TNFRSF10B: variants seen among roughly 807,000 people sequenced by gnomAD.
The protein encoded by TNFRSF10B is tumor necrosis factor receptor superfamily member 10B.
TNFRSF10B carries 35 observed loss-of-function variants against 41.4 expected under a neutral mutation model. The observed-to-expected ratio is 0.85, with a 90% CI of 0.65 to 1.12. TNFRSF10B has a LOEUF of 1.12. TNFRSF10B is among the 50% of genes most tolerant of loss of function. The pLI, the probability that TNFRSF10B is intolerant of heterozygous loss-of-function variation, is 0.00. For synonymous variants in TNFRSF10B, 230 were observed against 215.5 expected (o/e 1.07, Z -0.59); for missense variants, 584 against 552.7 (o/e 1.06, Z -0.57).
At position 23,063,444 on chromosome 8, in the gene TNFRSF10B, C is replaced by T. The variant is rs911323891; in HGVS notation, c.144+5307G>A. On this transcript the variant is annotated intron_variant, in intron 1 of 8. Coordinates refer to ENST00000276431, the MANE Select transcript of TNFRSF10B (RefSeq NM_003842.5). ...TGTACTGCAGGTCTATGAGCAATGA[C>T]GTGCCCATACTGTCTCCAATAGCAC... Among the ~76,000 whole-genome samples the T allele has an allele frequency of 1.1e-4, 17 of 152,038 alleles. 1 individual carries two copies. The highest frequency in any genetic ancestry group is 6.6e-5 in the Admixed American group (1 of 15,258).
At position 23,022,870 on chromosome 8, in the gene TNFRSF10B, G is replaced by A; in HGVS notation, c.1124C>T (p.Ala375Val). The A allele has an allele frequency of 6.2e-7, 1 of 1,614,104 alleles. No homozygotes were observed. Among genetic ancestry groups the A allele is most frequent in the East Asian group, 2.2e-5 (1 of 44,880 alleles). Reference sequence around the variant, plus strand: ...GTACAAGGTGTCCCTGTGGCCCGCTGCCTCAGCTTTAGCCACCTTTATCTC... The same window carrying A: ...GTACAAGGTGTCCCTGTGGCCCGCTACCTCAGCTTTAGCCACCTTTATCTC... ...DNEIKVAKAE[A>V]AGHRDTLYTM... is the part of the protein sequence containing the mutation. Residue 375 changes from alanine to valine, a missense_variant, in exon 9 of 9, where the codon GCA (alanine) becomes GTA (valine). Transcript: ENST00000276431.
chr8:23,027,194 T>G lies in TNFRSF10B; in HGVS notation c.875A>C (p.Gln292Pro). 1 of 1,614,252 alleles carries G rather than the reference T, an allele frequency of 6.2e-7. No homozygotes were observed. Among genetic ancestry groups the G allele is most frequent in the South Asian group, 1.1e-5 (1 of 91,088 alleles). The change falls in exon 7 of 9, where the codon CAG becomes CCG. Residue 292 changes from glutamine to proline, a missense_variant. Gln to Pro is a moderately conservative substitution (Grantham distance 76). Transcript: ENST00000276431. ...GACACCTGTTGGCTCTGCTGGCTCC[T>G]GGACTTCCATTTCCTGCTCAGGGAC... Reference protein sequence around the residue: ...TQVPEQEMEVQEPAEPTGVNM... With the variant: ...TQVPEQEMEVPEPAEPTGVNM...
intron 4 of TNFRSF10B, 28 bp downstream of exon 4, chr8:23,029,582 T>C (rs1465517894): frequency 6.3e-7 from 1 of 1,589,004 alleles, no homozygotes; most frequent in South Asian, 1.1e-5. Flanking sequence ...TCCATGGAGC[T>C]ACTGGGAGCC....
chr8:23,064,585 T>G (rs1339301576), intron 1 of TNFRSF10B, among the ~76,000 whole-genome samples: 1 of 152,176 alleles, frequency 6.6e-6, no homozygotes, highest in African/African-American at 2.4e-5. Context: ...CTTGTCCCAT[T>G]GAATTCTAGG....
intron 1 of TNFRSF10B, among the ~76,000 whole-genome samples, chr8:23,051,097 G>A (rs1432998983): frequency 6.6e-6 from 1 of 152,086 alleles, no homozygotes; most frequent in Non-Finnish European, 1.5e-5. Flanking sequence ...TCTATAAAAT[G>A]TACTTCTATT....
At chr8:23,051,646 G>A (rs13279964) in intron 1 of TNFRSF10B, among the ~76,000 whole-genome samples, 5 of 151,678 alleles carry the variant, frequency 3.3e-5, no homozygotes, top group South Asian at 2.1e-4. Flanking sequence ...CCGGGTTCAC[G>A]CCATTCTCCT....
At chr8:23,049,023 C>T (rs1812443738) in intron 1 of TNFRSF10B, among the ~76,000 whole-genome samples, 1 of 152,196 alleles carries the variant, frequency 6.6e-6, no homozygotes, top group Non-Finnish European at 1.5e-5. Flanking sequence ...ATGCTCACCA[C>T]CACTAACGTC....
At chr8:23,049,205 G>A (rs1484158383) in intron 1 of TNFRSF10B, among the ~76,000 whole-genome samples, 1 of 152,150 alleles carries the variant, frequency 6.6e-6, no homozygotes, top group East Asian at 1.9e-4. Context: ...TACTGACTGA[G>A]TGGTTAAGTT....
chr8:23,053,046 T>A (rs1245412623), intron 1 of TNFRSF10B, among the ~76,000 whole-genome samples: 1 of 152,212 alleles, frequency 6.6e-6, no homozygotes, highest in African/African-American at 2.4e-5. Flanking sequence ...CTGTGTAAGT[T>A]GTGAAAGAAT....
At chr8:23,026,232 T>C (rs1219857295) in intron 7 of TNFRSF10B, among the ~76,000 whole-genome samples, 3 of 152,036 alleles carry the variant, frequency 2.0e-5, no homozygotes, top group Non-Finnish European at 4.4e-5. Flanking sequence ...TCTCTGCCCA[T>C]ATAAACATTT....
intron 1 of TNFRSF10B, among the ~76,000 whole-genome samples, chr8:23,044,236 C>T (rs1812288735): frequency 6.6e-6 from 1 of 152,158 alleles, no homozygotes; most frequent in African/African-American, 2.4e-5. Context: ...AACATAGGAA[C>T]TATTCTTCCT....
chr8:23,024,285 C>G, intron 7 of TNFRSF10B, 25 bp from the exon 8 acceptor site: 1 of 1,613,830 alleles, frequency 6.2e-7, no homozygotes, highest in South Asian at 1.1e-5. Context: ...GGGGAATGTC[C>G]TGGTCAGAGC....
At chr8:23,050,458 A>ATG (rs1262614137) in intron 1 of TNFRSF10B, among the ~76,000 whole-genome samples, 2 of 151,956 alleles carry the variant, frequency 1.3e-5, no homozygotes, top group Non-Finnish European at 1.5e-5. Context: ...GTATGTGCAT[A>ATG]TGTGTGTGTG....
intron 1 of TNFRSF10B, among the ~76,000 whole-genome samples, chr8:23,044,151 T>C (rs1410445406): frequency 6.6e-6 from 1 of 152,194 alleles, no homozygotes; most frequent in East Asian, 1.9e-4. Context: ...ACCTTTAACT[T>C]ACACGTATAC....
chr8:23,052,442 C>G (rs1338896961), intron 1 of TNFRSF10B, among the ~76,000 whole-genome samples: 1 of 152,054 alleles, frequency 6.6e-6, no homozygotes. Flanking sequence ...CCCACCACCA[C>G]GCCTGGCTAA....
chr8:23,044,070 G>C (rs971975422), intron 1 of TNFRSF10B, among the ~76,000 whole-genome samples: 1 of 152,162 alleles, frequency 6.6e-6, no homozygotes, highest in Admixed American at 6.5e-5. Flanking sequence ...CCATTTAATT[G>C]AGAGGACAAT....
chr8:23,042,178 T>C (rs189242313), intron 2 of TNFRSF10B, among the ~76,000 whole-genome samples: 267 of 152,290 alleles, frequency 1.8e-3, no homozygotes, highest in African/African-American at 6.1e-3. Context: ...ATAGGAGCAT[T>C]TACAGATGAG....
At chr8:23,039,472 T>C (rs905393754) in intron 2 of TNFRSF10B, among the ~76,000 whole-genome samples, 1 of 152,148 alleles carries the variant, frequency 6.6e-6, no homozygotes, top group Non-Finnish European at 1.5e-5. Context: ...GTCAGTCTTT[T>C]TTCTATTGAG....
intron 2 of TNFRSF10B, among the ~76,000 whole-genome samples, chr8:23,036,229 A>G (rs1812026652): frequency 1.3e-5 from 2 of 152,222 alleles, no homozygotes; most frequent in East Asian, 1.9e-4. Flanking sequence ...CTACCAAGCC[A>G]TAAGTTTGGG....
Sources: allele counts gnomAD v4.1 joint callset (sites outside exome capture counted in the v4.1 genomes callset), GRCh38; gene constraint gnomAD v4.1.1; transcripts MANE v1.5; gene names NCBI Gene and HGNC (gene_info 2026-07-23, HGNC 2026-07-21).